NTNG1: variants seen among roughly 807,000 people sequenced by gnomAD.
NTNG1 encodes the protein netrin-G1.
A neutral mutation model predicts 54.0 loss-of-function variants in NTNG1; 16 were observed. The ratio of observed to expected loss-of-function variants is 0.30; its 90% CI spans 0.20 to 0.45. NTNG1 has a LOEUF of 0.45. NTNG1 is among the 20% of genes least tolerant of loss of function. NTNG1 has a pLI of 1.00. For synonymous variants in NTNG1, 255 were observed against 263.1 expected, an observed-to-expected ratio of 0.97 and a Z score of 0.30; for missense variants, 530 against 678.7, an observed-to-expected ratio of 0.78 and a Z score of 2.43.
At chr1:107,438,892 T>A (rs1045914144) in intron 7 of NTNG1, among the ~76,000 whole-genome samples, 1 of 152,182 alleles carries the variant, frequency 6.6e-6, no homozygotes, top group Non-Finnish European at 1.5e-5. Context: ...CCTCTGTGCC[T>A]CAGTTCCAGA....
chr1:107,362,229 A>G (rs576331232), intron 3 of NTNG1, among the ~76,000 whole-genome samples: 1 of 152,330 alleles, frequency 6.6e-6, no homozygotes, highest in Admixed American at 6.5e-5. Context: ...CAATAAAATA[A>G]TTGCTATTTA....
chr1:107,263,169 C>A (rs1441571488), intron 2 of NTNG1, among the ~76,000 whole-genome samples: 1 of 152,138 alleles, frequency 6.6e-6, no homozygotes, highest in Non-Finnish European at 1.5e-5. Context: ...TACATTTACT[C>A]TGAGAATGTG....
chr1:107,431,676 C>A (rs558229190), intron 6 of NTNG1, among the ~76,000 whole-genome samples: 1 of 152,184 alleles, frequency 6.6e-6, no homozygotes, highest in African/African-American at 2.4e-5. Flanking sequence ...TGAAACCTGT[C>A]TTTAAGAATA....
At chr1:107,388,592 C>T (rs1045306096) in intron 3 of NTNG1, among the ~76,000 whole-genome samples, 2 of 152,222 alleles carry the variant, frequency 1.3e-5, no homozygotes, top group African/African-American at 4.8e-5. Flanking sequence ...GCAATGAGCA[C>T]AATGCCAGGT....
chr1:107,179,823 G>A (rs1306575090), intron 2 of NTNG1, among the ~76,000 whole-genome samples: 2 of 151,898 alleles, frequency 1.3e-5, no homozygotes, highest in African/African-American at 2.4e-5. Flanking sequence ...TTTCCCTTAG[G>A]GTGAGCTTTT....
At chr1:107,176,622 G>T (rs1271927046) in intron 2 of NTNG1, among the ~76,000 whole-genome samples, 3 of 152,160 alleles carry the variant, frequency 2.0e-5, no homozygotes, top group Non-Finnish European at 4.4e-5. Flanking sequence ...TGTTCAGGTT[G>T]ACTGCAATGC....
chr1:107,280,623 A>G (rs895220852), intron 2 of NTNG1, among the ~76,000 whole-genome samples: 1 of 138,556 alleles, frequency 7.2e-6, no homozygotes, highest in Non-Finnish European at 1.5e-5. Context: ...TTTTTTGGCC[A>G]CTATATAAAC....
chr1:107,469,220 C>G (rs1370697517), intron 7 of NTNG1, among the ~76,000 whole-genome samples: 1 of 151,952 alleles, frequency 6.6e-6, no homozygotes, highest in Non-Finnish European at 1.5e-5. Flanking sequence ...TGAAGAATGA[C>G]TTAATACAAG....
intron 7 of NTNG1, among the ~76,000 whole-genome samples, chr1:107,466,797 A>AT (rs1571024284): frequency 6.6e-6 from 1 of 151,968 alleles, no homozygotes; most frequent in South Asian, 2.1e-4. Flanking sequence ...GCTTCCACAC[A>AT]TTTTTTGCCA....
rs1406344551 is a variant in NTNG1 at position 107,324,392 on chromosome 1, G to A, written c.357G>A (p.Gln119=). The change falls in exon 3 of 8, where the codon CAG becomes CAA. Residue 119 remains glutamine (Q), a synonymous_variant. Coordinates refer to ENST00000370068, the MANE Select transcript of NTNG1 (RefSeq NM_001113226.3). ...FEGRHPSTFW[Q]SATWKEYPKP... ...GAAGACATCCCTCCACATTTTGGCA[G>A]TCTGCCACTTGGAAGGAGTATCCCA... 1 of 1,613,822 alleles carries A rather than the reference G, an allele frequency of 6.2e-7. No individual in the cohort carries two copies. Among genetic ancestry groups the A allele is most frequent in the South Asian group, 1.1e-5 (1 of 91,084 alleles).
intron 3 of NTNG1, among the ~76,000 whole-genome samples, chr1:107,362,681 C>T (rs567374703): frequency 6.6e-6 from 1 of 152,140 alleles, no homozygotes; most frequent in African/African-American, 2.4e-5. Context: ...GAGACTCTTG[C>T]ATCAGCTGTA....
At chr1:107,287,075 T>A (rs1231552212) in intron 2 of NTNG1, among the ~76,000 whole-genome samples, 2 of 152,192 alleles carry the variant, frequency 1.3e-5, no homozygotes, top group African/African-American at 4.8e-5. Flanking sequence ...CTCATTTTTC[T>A]TTCATATGTA....
At chr1:107,145,816 T>C (rs535281713) in intron 1 of NTNG1, among the ~76,000 whole-genome samples, 1 of 152,222 alleles carries the variant, frequency 6.6e-6, no homozygotes, top group South Asian at 2.1e-4. Context: ...ATTCGATCAA[T>C]GGTGTAGTCC....
At chr1:107,270,711 C>T (rs1324231846) in intron 2 of NTNG1, among the ~76,000 whole-genome samples, 1 of 133,996 alleles carries the variant, frequency 7.5e-6, no homozygotes, top group Non-Finnish European at 1.6e-5. Context: ...CGCCCCCGCC[C>T]CCGCCCCCCC....
chr1:107,330,421 C>T (rs1300879620), intron 3 of NTNG1, among the ~76,000 whole-genome samples: 2 of 152,136 alleles, frequency 1.3e-5, no homozygotes, highest in African/African-American at 4.8e-5. Context: ...TAGCTCCAAG[C>T]CCTGATGCTC....
chr1:107,413,881 T>C (rs1441400843), intron 5 of NTNG1, among the ~76,000 whole-genome samples: 3 of 152,166 alleles, frequency 2.0e-5, no homozygotes, highest in Non-Finnish European at 4.4e-5. Context: ...TTCTCATTTA[T>C]ATAAATTAAA....
intron 2 of NTNG1, among the ~76,000 whole-genome samples, chr1:107,270,864 T>G (rs562542601): frequency 2.2e-4 from 33 of 152,174 alleles, no homozygotes; most frequent in Non-Finnish European, 3.7e-4. Flanking sequence ...AATATTTATT[T>G]TAAGAGAAGA....
Position 107,356,492 on chromosome 1 carries a change from C to T in NTNG1, c.887+31570C>T, listed in dbSNP as rs550761891. Among the ~76,000 whole-genome samples, 90 of 152,148 alleles carry T rather than the reference C, an allele frequency of 5.9e-4. 3 individuals are homozygous for T. In the South Asian group the frequency reaches 0.012, roughly 20 times the overall value. ...TATTCTTAGTAGAGACAGGGTTTTT[C>T]CACATTGGCCAGGCTGGTGTCGAAC... is the stretch of plus-strand genomic sequence containing the variant. On this transcript the variant is annotated intron_variant, in intron 3 of 7. Coordinates refer to ENST00000370068, the MANE Select transcript of NTNG1 (RefSeq NM_001113226.3).
At chr1:107,377,660 TGCACTCTTCTTATTTCCTATGA>T (rs1671381196) in intron 3 of NTNG1, among the ~76,000 whole-genome samples, 1 of 152,240 alleles carries the variant, frequency 6.6e-6, no homozygotes, top group African/African-American at 2.4e-5. Context: ...CCTTGTGCCC[TGCACTCTTCTTATTTCCTATGA>T]GCAAGTGCTT....
Sources: gnomAD v4.1 joint callset for allele counts (sites outside exome capture counted in the v4.1 genomes callset) on GRCh38, gnomAD v4.1.1 for gene constraint, MANE v1.5 for transcripts, NCBI Gene and HGNC (gene_info 2026-07-23, HGNC 2026-07-21) for gene names.